Variants in RBFOX1 observed in about 807,000 individuals in gnomAD.
The protein encoded by RBFOX1 is RNA binding fox-1 homolog 1, also known as RNA binding protein fox-1 homolog 1.
Under a neutral mutation model 57.7 loss-of-function variants are expected in RBFOX1, and 8 were observed. The observed-to-expected ratio is 0.14, with a 90% CI of 0.08 to 0.25. RBFOX1 has a LOEUF of 0.25. Ranked by LOEUF, RBFOX1 falls within the 10% of genes least tolerant of loss-of-function variation. The pLI is 1.00. For synonymous variants in RBFOX1, 326 were observed against 222.4 expected (o/e 1.47, Z -4.15); for missense variants, 611 against 548.5 (o/e 1.11, Z -1.14).
rs906208929 is a variant in RBFOX1 at position 7,408,230 on chromosome 16, A to C, written c.28-109917A>C. Among the ~76,000 whole-genome samples the C allele has an allele frequency of 4.6e-5, 7 of 152,268 alleles. No individual in the cohort carries two copies. The South Asian group carries it at 1.5e-3, about 32-fold the overall frequency. On this transcript the variant is annotated intron_variant, in intron 4 of 15. Transcript: ENST00000550418. ...AAGTCTCAAGTTAAGGGAGACTGAC[A>C]CTCAAATCATTTAGATTTTTTTTTC...
chr16:7,206,795 G>T (rs1484597691), intron 4 of RBFOX1, among the ~76,000 whole-genome samples: 6 of 152,116 alleles, frequency 3.9e-5, no homozygotes, highest in Non-Finnish European at 8.8e-5. Context: ...TGCAACAGGG[G>T]AGAGTGAAAG....
chr16:6,530,447 C>T (rs1466979846), intron 2 of RBFOX1, among the ~76,000 whole-genome samples: 1 of 152,164 alleles, frequency 6.6e-6, no homozygotes, highest in African/African-American at 2.4e-5. Flanking sequence ...TGCTATTTGT[C>T]TGGTTTCTTT....
At chr16:7,039,236 T>A (rs2045431207) in intron 3 of RBFOX1, among the ~76,000 whole-genome samples, 1 of 152,236 alleles carries the variant, frequency 6.6e-6, no homozygotes, top group Non-Finnish European at 1.5e-5. Context: ...AGTTTACGTA[T>A]AACAACAAAT....
chr16:7,073,785 C>G (rs961091197), intron 4 of RBFOX1, among the ~76,000 whole-genome samples: 1 of 152,096 alleles, frequency 6.6e-6, no homozygotes, highest in Non-Finnish European at 1.5e-5. Context: ...ATTGTTTGAG[C>G]CCAAGAGGTC....
At chr16:7,222,443 C>G (rs750571714) in intron 4 of RBFOX1, among the ~76,000 whole-genome samples, 22 of 152,130 alleles carry the variant, frequency 1.4e-4, no homozygotes, top group Non-Finnish European at 2.8e-4. Context: ...CAGCCCAGAG[C>G]TCTGTCAAAA....
At chr16:5,530,933 TAAAAAAAAAAAAAAAAAAAAA>T (rs59311923) in intron 2 of RBFOX1, among the ~76,000 whole-genome samples, 4 of 54,998 alleles carry the variant, frequency 7.3e-5, no homozygotes, top group Non-Finnish European at 1.2e-4. Context: ...ACTAAAAATA[TAAAAAAAAAAAAAAAAAAAAA>T]AAAAAAAAAA....
At chr16:7,105,532 T>C (rs1196729003) in intron 4 of RBFOX1, among the ~76,000 whole-genome samples, 1 of 152,088 alleles carries the variant, frequency 6.6e-6, no homozygotes, top group Admixed American at 6.6e-5. Context: ...CTTATGCCTT[T>C]GCTTCCTCAT....
chr16:5,980,149 A>T (rs1053974326), intron 4 of RBFOX1, among the ~76,000 whole-genome samples: 1 of 152,208 alleles, frequency 6.6e-6, no homozygotes, highest in Non-Finnish European at 1.5e-5. Flanking sequence ...AGCTATCATA[A>T]ACAATTCTGT....
intron 10 of RBFOX1, among the ~76,000 whole-genome samples, chr16:7,618,755 C>T (rs1363262762): frequency 6.6e-6 from 1 of 152,114 alleles, no homozygotes; most frequent in Non-Finnish European, 1.5e-5. Flanking sequence ...ACAGAGCTGT[C>T]CTGTTGTCTT....
intron 4 of RBFOX1, among the ~76,000 whole-genome samples, chr16:7,442,563 C>A (rs1029825792): frequency 6.6e-6 from 1 of 152,078 alleles, no homozygotes; most frequent in African/African-American, 2.4e-5. Context: ...ATGAGCTTGT[C>A]CCTAATGAGT....
chr16:7,347,551 C>G (rs2097036984), intron 4 of RBFOX1, among the ~76,000 whole-genome samples: 1 of 152,064 alleles, frequency 6.6e-6, no homozygotes, highest in South Asian at 2.1e-4. Context: ...AGGACACAGC[C>G]AAACGATATC....
intron 3 of RBFOX1, among the ~76,000 whole-genome samples, chr16:7,049,249 G>C (rs1368582039): frequency 6.6e-6 from 1 of 152,058 alleles, no homozygotes; most frequent in Non-Finnish European, 1.5e-5. Context: ...ATCTGAGTCT[G>C]CATTTAGGGC....
intron 1 of RBFOX1, among the ~76,000 whole-genome samples, chr16:5,429,616 A>G: frequency 6.6e-6 from 1 of 152,172 alleles, no homozygotes; most frequent in East Asian, 1.9e-4. Context: ...CATGTGGTTC[A>G]GCTCTGAGTC....
chr16:5,672,887 G>C (rs1323434578), intron 3 of RBFOX1, among the ~76,000 whole-genome samples: 1 of 118,496 alleles, frequency 8.4e-6, no homozygotes, highest in African/African-American at 2.9e-5. Context: ...GTGTGTGTGT[G>C]TGTCTGGGTT....
At chr16:5,585,862 G>C (rs547818389) in intron 2 of RBFOX1, among the ~76,000 whole-genome samples, 1 of 152,120 alleles carries the variant, frequency 6.6e-6, no homozygotes, top group Admixed American at 6.5e-5. Context: ...CATTTTTTTT[G>C]GTGTGCTCTA....
intron 2 of RBFOX1, among the ~76,000 whole-genome samples, chr16:5,574,091 G>A (rs1364229646): frequency 6.6e-6 from 1 of 152,232 alleles, no homozygotes; most frequent in African/African-American, 2.4e-5. Context: ...TGCTTTTGGT[G>A]GAAGGTGGAG....
chr16:5,650,549 C>G (rs968299511), intron 3 of RBFOX1, among the ~76,000 whole-genome samples: 1 of 152,130 alleles, frequency 6.6e-6, no homozygotes, highest in Admixed American at 6.5e-5. Flanking sequence ...TTGGGGAAGG[C>G]TTTTAAGTGT....
chr16:6,866,692 C>G (rs1468477568), intron 3 of RBFOX1, among the ~76,000 whole-genome samples: 2 of 151,756 alleles, frequency 1.3e-5, no homozygotes, highest in Admixed American at 1.3e-4. Context: ...CAGGCGCCTG[C>G]CACCACGCCT....
At chr16:6,786,243 C>G (rs573157828) in intron 3 of RBFOX1, among the ~76,000 whole-genome samples, 2 of 152,154 alleles carry the variant, frequency 1.3e-5, no homozygotes, top group South Asian at 2.1e-4. Context: ...TGGACCCTCA[C>G]AAGTATGGGC....
Sources: gnomAD v4.1 joint callset for allele counts (sites outside exome capture counted in the v4.1 genomes callset) on GRCh38, gnomAD v4.1.1 for gene constraint, MANE v1.5 for transcripts, NCBI Gene and HGNC (gene_info 2026-07-23, HGNC 2026-07-21) for gene names.